TAOK3: variants seen among roughly 807,000 people sequenced by gnomAD.
The protein encoded by TAOK3 is TAO kinase 3, also known as serine/threonine-protein kinase TAO3.
TAOK3 carries 40 observed loss-of-function variants against 120.4 expected under a neutral mutation model. That is an observed-to-expected ratio of 0.33 (90% CI 0.26 to 0.43). The LOEUF (loss-of-function observed/expected upper bound fraction) is 0.43. Among genes scored for constraint, TAOK3 ranks in the 20% least tolerant of loss-of-function variants. TAOK3 has a pLI of 1.00. For missense variants in TAOK3, 821 were observed against 1,112.1 expected, an observed-to-expected ratio of 0.74 and a Z score of 3.72; for synonymous variants, 355 against 387.5, an observed-to-expected ratio of 0.92 and a Z score of 0.99.
chr12:118,317,701 T>TC (rs1463595755), intron 1 of TAOK3, among the ~76,000 whole-genome samples: 2 of 151,866 alleles, frequency 1.3e-5, no homozygotes, highest in Admixed American at 1.3e-4. Context: ...AATATACAGA[T>TC]CCAATACAAT....
At chr12:118,224,450 T>C (rs1344113522) in intron 9 of TAOK3, among the ~76,000 whole-genome samples, 1 of 152,250 alleles carries the variant, frequency 6.6e-6, no homozygotes, top group African/African-American at 2.4e-5. Flanking sequence ...TGTTCTTTCC[T>C]GGAGAACTTA....
Position 118,223,848 on chromosome 12 carries a change from C to T in TAOK3, c.644-9738G>A, listed in dbSNP as rs61129343. On this transcript the variant is annotated intron_variant, in intron 9 of 20. Coordinates refer to ENST00000392533, the MANE Select transcript of TAOK3 (RefSeq NM_016281.4). ...AGAGACAGGGTTTTGCCATGTTGGC[C>T]AGGCTGCTCTAGAACTCCTGACCTC... is the stretch of plus-strand genomic sequence containing the variant. 8.6e-3 allele frequency among the ~76,000 whole-genome samples: 1,308 copies of T among 152,212 alleles called. 25 individuals are homozygous for T. The highest frequency in any genetic ancestry group is 0.026 in the African/African-American group (1,095 of 41,540).
At chr12:118,288,915 C>CAAA (rs34740967) in intron 1 of TAOK3, among the ~76,000 whole-genome samples, 36 of 94,002 alleles carry the variant, frequency 3.8e-4, no homozygotes, top group Non-Finnish European at 4.1e-4. Flanking sequence ...GACTCTATCT[C>CAAA]AAAAAAAAAA....
At chr12:118,301,031 C>G (rs533037347) in intron 1 of TAOK3, among the ~76,000 whole-genome samples, 2 of 152,306 alleles carry the variant, frequency 1.3e-5, no homozygotes, top group African/African-American at 4.8e-5. Flanking sequence ...CTGCCTCAGC[C>G]TCCCAAAGTG....
chr12:118,222,920 TATTG>T (rs2039307064), intron 9 of TAOK3, among the ~76,000 whole-genome samples: 1 of 152,054 alleles, frequency 6.6e-6, no homozygotes. Flanking sequence ...CTACAAAAGC[TATTG>T]AAATAAAAAA....
chr12:118,280,825 A>G (rs757741458), intron 1 of TAOK3, among the ~76,000 whole-genome samples: 2 of 152,224 alleles, frequency 1.3e-5, no homozygotes, highest in African/African-American at 4.8e-5. Context: ...CTTCCTATCC[A>G]TGAGTATGAA....
At chr12:118,216,513 T>G (rs1198852012) in intron 9 of TAOK3, among the ~76,000 whole-genome samples, 2 of 152,196 alleles carry the variant, frequency 1.3e-5, no homozygotes, top group African/African-American at 4.8e-5. Flanking sequence ...CCCCCAGAAT[T>G]TGTAATAAAA....
chr12:118,195,037 G>A (rs999947971), intron 13 of TAOK3, among the ~76,000 whole-genome samples: 1 of 151,958 alleles, frequency 6.6e-6, no homozygotes, highest in Non-Finnish European at 1.5e-5. Flanking sequence ...GTGAGCCACC[G>A]TGCCTGGCCA....
chr12:118,152,456 C>T, intron 19 of TAOK3, 47 bp from the exon 20 acceptor site: 1 of 1,544,704 alleles, frequency 6.5e-7, no homozygotes, highest in Non-Finnish European at 8.8e-7. Context: ...TGCCTACAGC[C>T]CTTGGTGGCC....
At chr12:118,173,911 GTC>G (rs1450607271) in intron 16 of TAOK3, among the ~76,000 whole-genome samples, 2 of 152,180 alleles carry the variant, frequency 1.3e-5, no homozygotes, top group African/African-American at 2.4e-5. Flanking sequence ...TAGCCAAGAA[GTC>G]TCTGTAAATC....
Position 118,236,450 on chromosome 12 carries a change from A to C in TAOK3, c.438-779T>G, listed in dbSNP as rs368354489. 24 of 152,292 alleles carry C rather than the reference A, an allele frequency of 1.6e-4. 1 individual carries two copies. The East Asian group carries it at 2.5e-3, about 16-fold the overall frequency. The allele number at this position is 152,292 out of a possible 1,614,324, so 9.4% of individuals were successfully genotyped here. A position where few individuals can be genotyped will look rare whatever the true frequency, so the allele number is the denominator to read the frequency against. Reference sequence around the variant, plus strand: ...AAAAAATTCATTTTTCATTATGGTAATTTAGAATGAGAAGGTGTGGATGTA... The same window carrying C: ...AAAAAATTCATTTTTCATTATGGTACTTTAGAATGAGAAGGTGTGGATGTA... On this transcript the variant is annotated intron_variant, in intron 7 of 20. Transcript: ENST00000392533.
chr12:118,246,235 G>A (rs370038346), intron 3 of TAOK3: 1 of 1,465,568 alleles, frequency 6.8e-7, no homozygotes, highest in Non-Finnish European at 9.4e-7. Context: ...CGCGGAGCTC[G>A]CGGAGGCAAG....
In TAOK3 at chr12:118,150,901, A is replaced by G. The variant is rs2034344484; in HGVS notation, c.*96T>C. ...GTAAGAGAGAGAGAGAGTGAGAGCA[A>G]CGCCCGTTAAAATGGGGAATGTGGT... On this transcript the variant is annotated 3_prime_UTR_variant, in exon 21 of 21. Coordinates refer to ENST00000392533, the MANE Select transcript of TAOK3 (RefSeq NM_016281.4). 1 of 1,216,636 alleles carries G rather than the reference A, an allele frequency of 8.2e-7. No homozygotes were observed. The highest frequency in any genetic ancestry group is 1.1e-6 in the Non-Finnish European group (1 of 881,916). 75.4% of individuals were successfully genotyped at this position (1,216,636 alleles called of 1,614,324 possible).
chr12:118,341,111 G>A (rs1221061140), intron 1 of TAOK3, among the ~76,000 whole-genome samples: 2 of 151,002 alleles, frequency 1.3e-5, no homozygotes, highest in East Asian at 2.0e-4. Flanking sequence ...ATTCTTGTTC[G>A]TCCTCAGCCT....
At chr12:118,352,831 C>G (rs1023501388) in intron 1 of TAOK3, among the ~76,000 whole-genome samples, 4 of 152,130 alleles carry the variant, frequency 2.6e-5, no homozygotes, top group Non-Finnish European at 5.9e-5. Context: ...CTGCCTCAGC[C>G]TCCCAAGTAG....
rs146919222 is a variant in TAOK3 at position 118,168,748 on chromosome 12, AG to A, written c.1899+3708del. Among the ~76,000 whole-genome samples the A allele has an allele frequency of 7.9e-5, 12 of 152,310 alleles. No homozygotes were observed. In the East Asian group the frequency reaches 2.3e-3, roughly 29 times the overall value. On this transcript the variant is annotated intron_variant, in intron 17 of 20. Transcript: ENST00000392533. ...CACCAATATAGTTTCTATCATTTTT[AG>A]GGAGTAATTATCTTCTGTAACTTTT...
At chr12:118,295,677 T>C (rs2042653265) in intron 1 of TAOK3, among the ~76,000 whole-genome samples, 1 of 152,202 alleles carries the variant, frequency 6.6e-6, no homozygotes, top group Non-Finnish European at 1.5e-5. Context: ...TGAATTTGTT[T>C]CAATAATACT....
intron 1 of TAOK3, among the ~76,000 whole-genome samples, chr12:118,367,761 T>C (rs1844259823): frequency 6.6e-6 from 1 of 151,414 alleles, no homozygotes. Flanking sequence ...CCTCCCTCTC[T>C]CCCTTCTATT....
chr12:118,202,623 G>A (rs181603070), intron 11 of TAOK3, among the ~76,000 whole-genome samples: 64 of 152,002 alleles, frequency 4.2e-4, no homozygotes, highest in African/African-American at 1.4e-3. Flanking sequence ...AGTGAATGTT[G>A]AGTATCTTTT....
Sources: gnomAD v4.1 joint callset for allele counts (sites outside exome capture counted in the v4.1 genomes callset) on GRCh38, gnomAD v4.1.1 for gene constraint, MANE v1.5 for transcripts, NCBI Gene and HGNC (gene_info 2026-07-23, HGNC 2026-07-21) for gene names.